CMYA5: variants seen among roughly 807,000 people sequenced by gnomAD.
The protein encoded by CMYA5 is cardiomyopathy-associated protein 5.
In CMYA5, 246 loss-of-function variants were observed where a neutral mutation model predicts 318.9. That is an observed-to-expected ratio of 0.77 (90% CI 0.70 to 0.86). The LOEUF (loss-of-function observed/expected upper bound fraction) is 0.86, where lower values mean the gene tolerates loss of function less well. Among genes scored for constraint, CMYA5 ranks in the 40% least tolerant of loss-of-function variants. The pLI, the probability that CMYA5 is intolerant of heterozygous loss-of-function variation, is 0.00. For synonymous variants in CMYA5, 1,641 were observed against 1,729.5 expected (o/e 0.95, Z 1.27); for missense variants, 4,589 against 4,678.2 (o/e 0.98, Z 0.56).
chr5:79,704,435 A>G (rs1457931116), intron 1 of CMYA5, among the ~76,000 whole-genome samples: 2 of 152,108 alleles, frequency 1.3e-5, no homozygotes, highest in Non-Finnish European at 2.9e-5. Flanking sequence ...TCTGAAAGCC[A>G]TTCGAACTGG....
chr5:79,746,975 G>T, intron 4 of CMYA5, 116 bp from the exon 5 acceptor site: 1 of 667,738 alleles, frequency 1.5e-6, no homozygotes, highest in African/African-American at 1.8e-5. Context: ...TTTCAAACGT[G>T]GGTAATCTTA....
At chr5:79,746,547 T>TA (rs11423461) in intron 4 of CMYA5, among the ~76,000 whole-genome samples, 23,096 of 68,754 alleles carry the variant, frequency 0.34, 3,594 homozygotes, top group Non-Finnish European at 0.36. Context: ...GAGCAAACTG[T>TA]AAAAAAAAAA....
rs770005065 is a variant in CMYA5, at chr5:79,735,575, A to C, written c.6810A>C (p.Ser2270=). Residue 2270 remains serine, a synonymous_variant, in exon 2 of 13, where the codon TCA becomes TCC. Coordinates refer to ENST00000446378, the MANE Select transcript of CMYA5 (RefSeq NM_153610.5). ...QNVKEKSMIL[S]NVEDLQQPKF... ...TTAAAGAAAAATCCATGATTTTATC[A>C]AATGTAGAAGATTTACAACAGCCAA... The C allele has an allele frequency of 8.7e-5, 140 of 1,613,112 alleles. No homozygotes were observed. Among genetic ancestry groups the C allele is most frequent in the Middle Eastern group, 6.6e-4 (4 of 6,074 alleles).
chr5:79,778,863 A>C (rs1580803563), intron 9 of CMYA5, among the ~76,000 whole-genome samples: 1 of 71,514 alleles, frequency 1.4e-5, no homozygotes, highest in East Asian at 1.1e-3. Flanking sequence ...GTTTTTTTGT[A>C]GTAGCCAATA....
At position 79,764,693 on chromosome 5, in the gene CMYA5, T is replaced by C. The variant is rs937149225; in HGVS notation, c.11555+1484T>C. Among the ~76,000 whole-genome samples the C allele has an allele frequency of 1.2e-4, 19 of 152,318 alleles. 1 individual carries two copies. In the South Asian group the frequency reaches 2.1e-3, roughly 17 times the overall value. On this transcript the variant is annotated intron_variant, in intron 9 of 12. Coordinates refer to ENST00000446378, the MANE Select transcript of CMYA5 (RefSeq NM_153610.5). The stretch of plus-strand genomic sequence containing the variant: ...TTTTAATGACTGCCATTCTAACTGG[T>C]GTGAGATGGTATCTCATTGTGGTTT...
chr5:79,697,755 A>G (rs1827099186), intron 1 of CMYA5, among the ~76,000 whole-genome samples: 2 of 152,140 alleles, frequency 1.3e-5, no homozygotes, highest in South Asian at 4.1e-4. Flanking sequence ...ACCTGTTTTT[A>G]TTAGCCAATT....
chr5:79,719,102 G>GTT (rs1409560951), intron 1 of CMYA5, among the ~76,000 whole-genome samples: 1 of 151,998 alleles, frequency 6.6e-6, no homozygotes, highest in Non-Finnish European at 1.5e-5. Flanking sequence ...AAGTGTAGGG[G>GTT]TTTTTTTAAG....
At chr5:79,777,319 C>G (rs1159114368) in intron 9 of CMYA5, among the ~76,000 whole-genome samples, 1 of 152,166 alleles carries the variant, frequency 6.6e-6, no homozygotes, top group Non-Finnish European at 1.5e-5. Context: ...TTACCTGATT[C>G]ATATTGATCC....
Position 79,755,301 on chromosome 5 carries a change from T to C in CMYA5, c.11110+2507T>C, listed in dbSNP as rs200820949. ...TTTTGGTATCATACCTTTTTTTTTT[T>C]CCCCACACAGAGTCTCACTCTGTCG... On this transcript the variant is annotated intron_variant, in intron 6 of 12. Transcript: ENST00000446378. Among the ~76,000 whole-genome samples the C allele has an allele frequency of 3.2e-4, 49 of 152,062 alleles. 1 individual carries two copies. Among genetic ancestry groups the C allele is most frequent in the Admixed American group, 7.9e-4 (12 of 15,262 alleles).
intron 1 of CMYA5, among the ~76,000 whole-genome samples, chr5:79,716,630 A>G (rs1360291282): frequency 6.6e-6 from 1 of 152,250 alleles, no homozygotes; most frequent in African/African-American, 2.4e-5. Flanking sequence ...GCTAAAAGAT[A>G]TGAATCTTTA....
At chr5:79,711,956 A>G (rs1429833589) in intron 1 of CMYA5, among the ~76,000 whole-genome samples, 1 of 152,194 alleles carries the variant, frequency 6.6e-6, no homozygotes, top group Non-Finnish European at 1.5e-5. Flanking sequence ...CCCTCTTCGC[A>G]TATGGTACAG....
At chr5:79,776,625 C>G (rs1157852715) in intron 9 of CMYA5, among the ~76,000 whole-genome samples, 1 of 152,158 alleles carries the variant, frequency 6.6e-6, no homozygotes, top group Non-Finnish European at 1.5e-5. Context: ...TTCAGAAGAT[C>G]TAATATGCCC....
At chr5:79,767,397 G>T (rs1301377872) in intron 9 of CMYA5, among the ~76,000 whole-genome samples, 2 of 151,932 alleles carry the variant, frequency 1.3e-5, no homozygotes, top group Non-Finnish European at 2.9e-5. Context: ...GTGATGTTAG[G>T]GTGTCAATTT....
Position 79,737,003 on chromosome 5 carries a change from G to A in CMYA5, c.8238G>A (p.Val2746=), listed in dbSNP as rs199952708. 1,570 of 1,595,586 alleles carry A rather than the reference G, an allele frequency of 9.8e-4. 6 individuals are homozygous for A. The African/African-American group carries it at 0.013, about 13-fold the overall frequency. ...NHSLSQEGNL[V]LEKSSRDMPD... ...CTTTGTCTCAGGAAGGAAATCTAGT[G>A]TTAGAAAAGTCAAGCAGAGATATGC... is the stretch of plus-strand genomic sequence containing the variant. The change falls in exon 2 of 13, where the codon GTG becomes GTA. Residue 2746 remains valine, a synonymous_variant. Coordinates refer to ENST00000446378, the MANE Select transcript of CMYA5 (RefSeq NM_153610.5).
intron 6 of CMYA5, among the ~76,000 whole-genome samples, chr5:79,754,334 C>T (rs977796199): frequency 4.6e-5 from 7 of 152,172 alleles, no homozygotes; most frequent in African/African-American, 1.7e-4. Flanking sequence ...GCAGCCCATA[C>T]GATTTATTCC....
At chr5:79,713,292 ACCCC>A (rs1197531336) in intron 1 of CMYA5, among the ~76,000 whole-genome samples, 2 of 56,892 alleles carry the variant, frequency 3.5e-5, no homozygotes, top group African/African-American at 1.4e-4. Context: ...ACCCCGCTGC[ACCCC>A]GCCCCCACCC....
At chr5:79,765,441 CT>C (rs1488957816) in intron 9 of CMYA5, among the ~76,000 whole-genome samples, 2 of 152,122 alleles carry the variant, frequency 1.3e-5, no homozygotes, top group Admixed American at 1.3e-4. Flanking sequence ...CAGCTTTGTT[CT>C]TTTTGCTTAG....
Position 79,738,220 on chromosome 5 carries a change from C to G in CMYA5, c.9455C>G (p.Ser3152Ter). The G allele has an allele frequency of 6.2e-7, 1 of 1,613,824 alleles. No individual in the cohort carries two copies. The highest frequency in any genetic ancestry group is 1.1e-5 in the South Asian group (1 of 91,070). The change falls in exon 2 of 13, where the codon TCA becomes TGA. Residue 3152 changes from serine (S) to a stop codon, truncating the protein, a stop_gained. Transcript: ENST00000446378. LOFTEE classifies it high-confidence loss of function. ...ACAAAGAGAGATGTGGACTCAAAGT[C>G]ACCGGGGATGCCTTTATTTGAAGCA... Reference protein sequence around the residue: ...KDTKRDVDSKSPGMPLFEAEE... With the variant: ...KDTKRDVDSK
chr5:79,703,109 G>A (rs1470116362), intron 1 of CMYA5, among the ~76,000 whole-genome samples: 4 of 152,196 alleles, frequency 2.6e-5, no homozygotes, highest in Non-Finnish European at 5.9e-5. Flanking sequence ...ATGTCTGCTG[G>A]ACCAGCAGGG....
Sources: gnomAD v4.1 joint callset for allele counts (sites outside exome capture counted in the v4.1 genomes callset) on GRCh38, gnomAD v4.1.1 for gene constraint, MANE v1.5 for transcripts, NCBI Gene and HGNC (gene_info 2026-07-23, HGNC 2026-07-21) for gene names.